The following MSH3 variants were observed in gnomAD, a reference collection of about 807,000 sequenced individuals.
The protein encoded by MSH3 is DNA mismatch repair protein Msh3.
In MSH3, 106 loss-of-function variants were observed where a neutral mutation model predicts 123.3. The ratio of observed to expected loss-of-function variants is 0.86; its 90% CI spans 0.73 to 1.01. The LOEUF (loss-of-function observed/expected upper bound fraction) is 1.01, where lower values mean the gene tolerates loss of function less well. Among genes scored for constraint, MSH3 ranks in the 50% least tolerant of loss-of-function variants. MSH3 has a pLI of 0.00. For synonymous variants in MSH3, 515 were observed against 481.4 expected, an observed-to-expected ratio of 1.07 and a Z score of -0.91; for missense variants, 1,459 against 1,347.6, an observed-to-expected ratio of 1.08 and a Z score of -1.29.
rs567149030 is a variant in MSH3 at position 80,816,279 on chromosome 5, A to T, written c.2813+2538A>T. Among the ~76,000 whole-genome samples, 4 of 85,480 alleles carry T rather than the reference A, an allele frequency of 4.7e-5. No individual in the cohort carries two copies. The East Asian group carries it at 1.6e-3, about 33-fold the overall frequency. 56.1% of individuals were successfully genotyped at this position (85,480 alleles called of 152,430 possible). Reference sequence around the variant, plus strand: ...TGAAGGCTATATGCAAGATGTTAGGACAGGCTGTGATCCTGATATGATCTG... The same window carrying T: ...TGAAGGCTATATGCAAGATGTTAGGTCAGGCTGTGATCCTGATATGATCTG... On this transcript the variant is annotated intron_variant, in intron 20 of 23. Transcript: ENST00000265081.
Position 80,755,581 on chromosome 5 carries a change from G to A in MSH3, c.1764-5965G>A, listed in dbSNP as rs370643904. On this transcript the variant is annotated intron_variant, in intron 12 of 23. Coordinates refer to ENST00000265081, the MANE Select transcript of MSH3 (RefSeq NM_002439.5). ...CTTATGTGAAATAACTAGATATGCTGGATCAAGCATAACAAACATCCCTTT... is the reference window on the plus strand; with the variant it reads ...CTTATGTGAAATAACTAGATATGCTAGATCAAGCATAACAAACATCCCTTT... Among the ~76,000 whole-genome samples, 313 of 152,202 alleles carry A rather than the reference G, an allele frequency of 2.1e-3. 2 individuals carry two copies. Among genetic ancestry groups the A allele is most frequent in the African/African-American group, 7.2e-3 (301 of 41,518 alleles).
At position 80,725,542 on chromosome 5, in the gene MSH3, C is replaced by G. The variant is rs534548594; in HGVS notation, c.1430C>G (p.Ala477Gly). ...HAFQAVTEFY[A>G]KDTVDIKGSQ... Reference sequence around the variant, plus strand: ...TTCCAGGCAGTTACAGAGTTTTATGCAAAAGATACAGTTGACATCAAAGGT... The same window carrying G: ...TTCCAGGCAGTTACAGAGTTTTATGGAAAAGATACAGTTGACATCAAAGGT... Residue 477 changes from alanine to glycine, a missense_variant, in exon 9 of 24, where the codon GCA becomes GGA. Transcript: ENST00000265081. The G allele has an allele frequency of 1.2e-6, 2 of 1,612,660 alleles. No homozygotes were observed. Among genetic ancestry groups the G allele is most frequent in the Non-Finnish European group, 1.7e-6 (2 of 1,178,808 alleles).
At chr5:80,806,136 T>A (rs183975280) in intron 19 of MSH3, among the ~76,000 whole-genome samples, 3 of 152,338 alleles carry the variant, frequency 2.0e-5, no homozygotes, top group Non-Finnish European at 4.4e-5. Context: ...TTCACTCTTG[T>A]TGCCCAGGCT....
At chr5:80,812,781 A>G (rs1745031386) in intron 19 of MSH3, among the ~76,000 whole-genome samples, 1 of 150,766 alleles carries the variant, frequency 6.6e-6, no homozygotes, top group Non-Finnish European at 1.5e-5. Context: ...CTGGTCTTGA[A>G]CTCCTGGCCT....
rs1340348796 is a variant in MSH3 at position 80,761,585 on chromosome 5, C to CCAAACACA, written c.1805_1806insAACACACA (p.His602GlnfsTer13). 6.2e-7 allele frequency: 1 copy of CCAAACACA among 1,613,884 alleles called. No individual in the cohort carries two copies. Among genetic ancestry groups the CCAAACACA allele is most frequent in the African/African-American group, 1.3e-5 (1 of 74,868 alleles). Reference sequence around the variant, plus strand: ...GGCTTGATGCTGTATCGGAAGTTCTCCATTCAGAATCTAGTGTGTTTGGTC... The same window carrying CCAAACACA: ...GGCTTGATGCTGTATCGGAAGTTCTCCAAACACACATTCAGAATCTAGTGTGTTTGGTC... On this transcript the variant is annotated frameshift_variant, in exon 13 of 24. Coordinates refer to ENST00000265081, the MANE Select transcript of MSH3 (RefSeq NM_002439.5). LOFTEE classifies it high-confidence loss of function.
rs544287459 is a variant in MSH3 at position 80,668,122 on chromosome 5, G to T, written c.580-1975G>T. 4.6e-5 allele frequency among the ~76,000 whole-genome samples: 7 copies of T among 152,254 alleles called. No homozygotes were observed. The East Asian group carries it at 1.2e-3, about 25-fold the overall frequency. On this transcript the variant is annotated intron_variant, in intron 3 of 23. Coordinates refer to ENST00000265081, the MANE Select transcript of MSH3 (RefSeq NM_002439.5). ...AGTGAGAAGTGATGAGCCTTCAGCC[G>T]AGAGGGGACCCTGGAGTGGGTAGCT...
intron 10 of MSH3, among the ~76,000 whole-genome samples, chr5:80,733,238 ATTT>A (rs1295328774): frequency 6.6e-6 from 1 of 152,132 alleles, no homozygotes; most frequent in African/African-American, 2.4e-5. Flanking sequence ...GAAAGAATAG[ATTT>A]TTTTCAAACA....
chr5:80,871,503 G>C (rs1746214919), intron 22 of MSH3, among the ~76,000 whole-genome samples: 1 of 152,124 alleles, frequency 6.6e-6, no homozygotes, highest in African/African-American at 2.4e-5. Context: ...CCATGTCAAG[G>C]CTTCCCAGCC....
intron 7 of MSH3, among the ~76,000 whole-genome samples, chr5:80,678,145 C>A (rs1268655691): frequency 6.6e-6 from 1 of 152,202 alleles, no homozygotes; most frequent in Non-Finnish European, 1.5e-5. Flanking sequence ...CAGCCTGTAA[C>A]TAGCCCCCAT....
chr5:80,722,631 T>A (rs560459450), intron 8 of MSH3, among the ~76,000 whole-genome samples: 1 of 152,298 alleles, frequency 6.6e-6, no homozygotes, highest in Non-Finnish European at 1.5e-5. Flanking sequence ...GAGAGAGGTA[T>A]GTGTACGTAT....
rs2112131777 is a variant in MSH3 at position 80,875,791 on chromosome 5, A to G, written c.3343A>G (p.Asn1115Asp). ...TTTTGCAAAGTTATGGACGATGCAT[A>G]ATGCACAAGACCTGCAGAAGTGGAC... ...KYFAKLWTMH[N>D]AQDLQKWTEE... The change falls in exon 24 of 24, where the codon AAT (asparagine) becomes GAT (aspartate). Residue 1115 changes from asparagine to aspartate, a missense_variant. Coordinates refer to ENST00000265081, the MANE Select transcript of MSH3 (RefSeq NM_002439.5). 2 of 1,613,948 alleles carry G rather than the reference A, an allele frequency of 1.2e-6. No homozygotes were observed. Among genetic ancestry groups the G allele is most frequent in the Non-Finnish European group, 1.7e-6 (2 of 1,179,822 alleles).
chr5:80,802,628 C>A (rs916601717), intron 19 of MSH3, among the ~76,000 whole-genome samples: 1 of 152,098 alleles, frequency 6.6e-6, no homozygotes, highest in Non-Finnish European at 1.5e-5. Flanking sequence ...ATTTTGTTGA[C>A]TATAGTGACC....
intron 19 of MSH3, among the ~76,000 whole-genome samples, chr5:80,797,899 C>T (rs556173652): frequency 6.6e-6 from 1 of 152,232 alleles, no homozygotes; most frequent in African/African-American, 2.4e-5. Context: ...TAGGGAAACC[C>T]CAGCGAACCC....
intron 20 of MSH3, among the ~76,000 whole-genome samples, chr5:80,815,164 C>T (rs1745078788): frequency 6.6e-6 from 1 of 152,044 alleles, no homozygotes; most frequent in South Asian, 2.1e-4. Flanking sequence ...TGAGAATGAA[C>T]AAAGTACCCT....
intron 9 of MSH3, among the ~76,000 whole-genome samples, chr5:80,726,975 G>A (rs751194678): frequency 6.6e-6 from 1 of 152,220 alleles, no homozygotes; most frequent in Non-Finnish European, 1.5e-5. Context: ...TTGTGGCAGT[G>A]CCCGGGAGAG....
At chr5:80,699,716 G>GT (rs779083586) in intron 8 of MSH3, among the ~76,000 whole-genome samples, 4 of 152,018 alleles carry the variant, frequency 2.6e-5, no homozygotes, top group Admixed American at 2.0e-4. Context: ...ATTTCTTATC[G>GT]TTTTTTCCCC....
At position 80,656,468 on chromosome 5, in the gene MSH3, AAG is replaced by A. The variant is rs1749288357; in HGVS notation, c.297_298del (p.Lys100SerfsTer12). 1 of 1,614,104 alleles carries A rather than the reference AAG, an allele frequency of 6.2e-7. No homozygotes were observed. Among genetic ancestry groups the A allele is most frequent in the Non-Finnish European group, 8.5e-7 (1 of 1,180,054 alleles). On this transcript the variant is annotated frameshift_variant, in exon 2 of 24. Coordinates refer to ENST00000265081, the MANE Select transcript of MSH3 (RefSeq NM_002439.5). LOFTEE classifies it high-confidence loss of function. ...RPLENDGPVK[K>X]KVKKVQQKEG... is the part of the protein sequence containing the mutation. Reference sequence around the variant, plus strand: ...ATTGGAAAATGATGGGCCTGTTAAAAAGAAAGTAAAGAAAGTCCAACAAAAGG... The same window carrying A: ...ATTGGAAAATGATGGGCCTGTTAAAAAAAGTAAAGAAAGTCCAACAAAAGG...
intron 17 of MSH3, among the ~76,000 whole-genome samples, chr5:80,787,022 A>T (rs1744520786): frequency 6.6e-6 from 1 of 152,154 alleles, no homozygotes; most frequent in African/African-American, 2.4e-5. Context: ...GTCTTCAATA[A>T]ATATTTATTA....
intron 8 of MSH3, among the ~76,000 whole-genome samples, chr5:80,723,926 C>T (rs754169370): frequency 2.6e-5 from 4 of 152,048 alleles, no homozygotes; most frequent in Non-Finnish European, 5.9e-5. Flanking sequence ...CCGTGCCTGG[C>T]TAATTTTTGT....
Sources: allele counts gnomAD v4.1 joint callset (sites outside exome capture counted in the v4.1 genomes callset), GRCh38; gene constraint gnomAD v4.1.1; transcripts MANE v1.5; gene names NCBI Gene and HGNC (gene_info 2026-07-23, HGNC 2026-07-21).